CNKSR2: variants seen among roughly 807,000 people sequenced by gnomAD.
The protein encoded by CNKSR2 is CNK homolog protein 2.
In CNKSR2, 14 loss-of-function variants were observed where a neutral mutation model predicts 84.4. That is an observed-to-expected ratio of 0.17 (90% CI 0.11 to 0.26). The LOEUF is 0.26. Ranked by LOEUF, CNKSR2 falls within the 10% of genes least tolerant of loss-of-function variation. The probability of loss-of-function intolerance (pLI) is 1.00; values close to 1 mark genes in which losing one functional copy is unlikely to be tolerated. For synonymous variants in CNKSR2, 275 were observed against 277.9 expected, an observed-to-expected ratio of 0.99 and a Z score of 0.10; for missense variants, 485 against 771.2, an observed-to-expected ratio of 0.63 and a Z score of 4.40.
At chrX:21,585,312 T>G (rs2092379364) in intron 13 of CNKSR2, among the ~76,000 whole-genome samples, 1 of 105,769 alleles carries the variant, frequency 9.5e-6, no homozygotes, top group Non-Finnish European at 1.9e-5. Flanking sequence ...ATATATAGTA[T>G]AAATATATTA....
chrX:21,440,974 G>T, intron 4 of CNKSR2, 193 bp downstream of exon 4: 1 of 313,036 alleles, frequency 3.2e-6, no homozygotes, highest in South Asian at 8.9e-5. Context: ...CTTACCAGAA[G>T]ATATAAAAGG....
chrX:21,459,520 CTTGGTGTGTATATAG>C (rs759357019), intron 4 of CNKSR2, among the ~76,000 whole-genome samples: 12 of 110,331 alleles, frequency 1.1e-4, no homozygotes, highest in Non-Finnish European at 2.1e-4. Context: ...ATGCGTTCTG[CTTGGTGTGTATATAG>C]TACTAGATCT....
chrX:21,566,715 C>T (rs890843598), intron 13 of CNKSR2, among the ~76,000 whole-genome samples: 2 of 111,302 alleles, frequency 1.8e-5, no homozygotes, highest in Admixed American at 9.6e-5. Flanking sequence ...TCCCCTTAAA[C>T]GGCAAAGTAA....
intron 1 of CNKSR2, among the ~76,000 whole-genome samples, chrX:21,415,527 A>G (rs2147024697): frequency 9.5e-6 from 1 of 104,956 alleles, no homozygotes; most frequent in Admixed American, 1.0e-4. Context: ...TTCAATTCCC[A>G]CCTATGAGTG....
At chrX:21,616,966 T>A (rs1332319311) in intron 20 of CNKSR2, among the ~76,000 whole-genome samples, 4 of 112,058 alleles carry the variant, frequency 3.6e-5, no homozygotes, top group African/African-American at 1.3e-4. Flanking sequence ...AGTAATGACA[T>A]CAGATGTAAA....
In CNKSR2 at chrX:21,490,632, T is replaced by C. The variant is rs933877908; in HGVS notation, c.681+54T>C. On this transcript the variant is annotated intron_variant, in intron 6 of 21. Transcript: ENST00000379510. ...CCATCCATCAGTAGAGAGCTAATGA[T>C]GTGGACAAAGCAGCCTCTGAATGTG... 1.5e-5 allele frequency: 17 copies of C among 1,121,159 alleles called. No individual in the cohort carries two copies. In the African/African-American group the frequency reaches 2.9e-4, roughly 19 times the overall value. 92.4% of individuals were successfully genotyped at this position (1,121,159 alleles called of 1,213,427 possible). A position where few individuals can be genotyped will look rare whatever the true frequency, so the allele number is the denominator to read the frequency against.
At chrX:21,600,232 T>G (rs762674354) in intron 17 of CNKSR2, among the ~76,000 whole-genome samples, 1 of 112,245 alleles carries the variant, frequency 8.9e-6, no homozygotes, top group Non-Finnish European at 1.9e-5. Flanking sequence ...TTGGCATAAA[T>G]GATGAAATAT....
chrX:21,582,564 G>A (rs1262107915), intron 13 of CNKSR2, among the ~76,000 whole-genome samples: 1 of 111,741 alleles, frequency 8.9e-6, no homozygotes, highest in Admixed American at 9.5e-5. Context: ...ACCCCTACCT[G>A]TGTGATCCTG....
intron 11 of CNKSR2, among the ~76,000 whole-genome samples, chrX:21,552,339 C>T (rs1482878880): frequency 8.9e-6 from 1 of 111,873 alleles, no homozygotes; most frequent in Non-Finnish European, 1.9e-5. Flanking sequence ...TCACATACTA[C>T]ATCTTTGAAA....
At chrX:21,407,012 C>T (rs2090273191) in intron 1 of CNKSR2, among the ~76,000 whole-genome samples, 1 of 111,632 alleles carries the variant, frequency 9.0e-6, no homozygotes, top group South Asian at 3.7e-4. Flanking sequence ...TGATTCTGCT[C>T]CTCATTGTAA....
intron 20 of CNKSR2, among the ~76,000 whole-genome samples, chrX:21,628,565 C>T (rs1157607512): frequency 9.8e-5 from 11 of 112,150 alleles, no homozygotes; most frequent in Admixed American, 5.7e-4. Context: ...TTCTTGACTT[C>T]TGTGCACCCA....
In CNKSR2 at chrX:21,540,989, T is replaced by G. The variant is rs753900252; in HGVS notation, c.1303+8922T>G. Among the ~76,000 whole-genome samples, 5 of 99,020 alleles carry G rather than the reference T, an allele frequency of 5.0e-5. No individual in the cohort carries two copies. In the East Asian group the frequency reaches 1.5e-3, roughly 29 times the overall value. The allele number at this position is 99,020 out of a possible 115,157, so 86.0% of individuals were successfully genotyped here. ...AAAAATATTTGAAAATATCTGGTTGTTTTTTTTTTTTGAGATGGAGTCTTG... is the reference window on the plus strand; with the variant it reads ...AAAAATATTTGAAAATATCTGGTTGGTTTTTTTTTTTGAGATGGAGTCTTG... On this transcript the variant is annotated intron_variant, in intron 11 of 21. Transcript: ENST00000379510.
intron 3 of CNKSR2, among the ~76,000 whole-genome samples, chrX:21,438,714 A>G (rs2090743082): frequency 9.0e-6 from 1 of 111,649 alleles, no homozygotes; most frequent in Non-Finnish European, 1.9e-5. Context: ...GTAATAAAGT[A>G]TAAGACAGAA....
intron 4 of CNKSR2, among the ~76,000 whole-genome samples, chrX:21,459,615 C>A (rs1465096386): frequency 1.8e-5 from 2 of 110,325 alleles, no homozygotes; most frequent in African/African-American, 6.6e-5. Context: ...CTTATATATT[C>A]TTTGCATTTA....
At chrX:21,561,940 A>C (rs1182454936) in intron 12 of CNKSR2, among the ~76,000 whole-genome samples, 1 of 110,286 alleles carries the variant, frequency 9.1e-6, no homozygotes, top group African/African-American at 3.3e-5. Flanking sequence ...TTTGTATGGA[A>C]TCAACCTCAA....
At chrX:21,631,798 T>C (rs767563805) in intron 20 of CNKSR2, among the ~76,000 whole-genome samples, 48 of 112,299 alleles carry the variant, frequency 4.3e-4, no homozygotes, top group Middle Eastern at 4.6e-3. Context: ...TTTCAAGATA[T>C]TGCATATAAA....
At chrX:21,575,222 A>T (rs146662385) in intron 13 of CNKSR2, among the ~76,000 whole-genome samples, 2 of 111,606 alleles carry the variant, frequency 1.8e-5, no homozygotes, top group Admixed American at 9.5e-5. Flanking sequence ...AATATAAAAC[A>T]GTTTTGGTGA....
rs544906026 is a variant in CNKSR2, at chrX:21,501,756, G to A, written c.810+168G>A. On this transcript the variant is annotated intron_variant, in intron 8 of 21. Coordinates refer to ENST00000379510, the MANE Select transcript of CNKSR2 (RefSeq NM_014927.5). The stretch of plus-strand genomic sequence containing the variant: ...TCTTAATTATTTGATGGAACGTAAA[G>A]CATTTTTTTAAAAGAACCTGAAGAG... Among the ~76,000 whole-genome samples the A allele has an allele frequency of 7.2e-5, 8 of 110,639 alleles. No homozygotes were observed. The South Asian group carries it at 2.6e-3, about 36-fold the overall frequency.
intron 20 of CNKSR2, among the ~76,000 whole-genome samples, chrX:21,626,429 A>G (rs2092624237): frequency 9.0e-6 from 1 of 111,523 alleles, no homozygotes. Flanking sequence ...CACAAAGAAC[A>G]TGATAGAGAG....
Sources: gnomAD v4.1 joint callset for allele counts (sites outside exome capture counted in the v4.1 genomes callset) on GRCh38, gnomAD v4.1.1 for gene constraint, MANE v1.5 for transcripts, NCBI Gene and HGNC (gene_info 2026-07-23, HGNC 2026-07-21) for gene names.